PTBP3: variants seen among roughly 807,000 people sequenced by gnomAD.
PTBP3 encodes the protein polypyrimidine tract binding protein 3, also known as polypyrimidine tract-binding protein 3.
PTBP3 carries 20 observed loss-of-function variants against 58.7 expected under a neutral mutation model. That is an observed-to-expected ratio of 0.34 (90% CI 0.24 to 0.50). PTBP3 has a LOEUF of 0.50. PTBP3 is among the 20% of genes least tolerant of loss of function. The pLI is 0.98. For missense variants in PTBP3, 509 were observed against 637.2 expected, an observed-to-expected ratio of 0.80 and a Z score of 2.17; for synonymous variants, 185 against 219.8, an observed-to-expected ratio of 0.84 and a Z score of 1.40.
At chr9:112,355,365 T>G in the PTBP3 span, among the ~76,000 whole-genome samples, 1 of 152,202 alleles carries the variant, frequency 6.6e-6, no homozygotes, top group East Asian at 1.9e-4. Context: ...ATGGTTTATA[T>G]TCTTGTGATA....
chr9:112,286,506 TCA>T (rs1236322558), intron 2 of PTBP3, among the ~76,000 whole-genome samples: 4 of 152,204 alleles, frequency 2.6e-5, no homozygotes, highest in South Asian at 2.1e-4. Flanking sequence ...CTTTAATTTA[TCA>T]CAGAGTACCT....
chr9:112,270,440 G>T (rs1827326648), intron 3 of PTBP3, among the ~76,000 whole-genome samples: 1 of 152,150 alleles, frequency 6.6e-6, no homozygotes, highest in Non-Finnish European at 1.5e-5. Context: ...GGCCAGAAAA[G>T]AGTGCTATTT....
chr9:112,348,320 A>C, the PTBP3 span, among the ~76,000 whole-genome samples: 1 of 152,274 alleles, frequency 6.6e-6, no homozygotes, highest in Non-Finnish European at 1.5e-5. Flanking sequence ...AAAAGACAGA[A>C]AACACCTAAA....
chr9:112,234,332 C>T (rs997103123), intron 8 of PTBP3, among the ~76,000 whole-genome samples: 1 of 152,124 alleles, frequency 6.6e-6, no homozygotes, highest in African/African-American at 2.4e-5. Flanking sequence ...ACCCCTCTAT[C>T]GTAATCTTCA....
At chr9:112,265,366 G>T (rs1589840334) in intron 4 of PTBP3, among the ~76,000 whole-genome samples, 2 of 148,520 alleles carry the variant, frequency 1.3e-5, no homozygotes, top group Non-Finnish European at 3.0e-5. Context: ...AGCTGGGCGT[G>T]GTGGCTAGCA....
At chr9:112,359,128 C>T in the PTBP3 span, among the ~76,000 whole-genome samples, 1 of 152,152 alleles carries the variant, frequency 6.6e-6, no homozygotes, top group African/African-American at 2.4e-5. Flanking sequence ...CGCCACTGCA[C>T]CTGACCGCAT....
chr9:112,237,675 T>C (rs1482683954), intron 7 of PTBP3, among the ~76,000 whole-genome samples: 1 of 152,190 alleles, frequency 6.6e-6, no homozygotes, highest in Admixed American at 6.5e-5. Context: ...GAGCTTTGGT[T>C]TGATCAGCTC....
intron 3 of PTBP3, among the ~76,000 whole-genome samples, chr9:112,271,170 C>T (rs1827370035): frequency 6.6e-6 from 1 of 152,170 alleles, no homozygotes; most frequent in South Asian, 2.1e-4. Context: ...AAAACATAGA[C>T]ATGCACATAT....
intron 5 of PTBP3, among the ~76,000 whole-genome samples, chr9:112,253,622 T>C (rs996712356): frequency 6.6e-6 from 1 of 152,178 alleles, no homozygotes; most frequent in East Asian, 1.9e-4. Flanking sequence ...TCATCTCAAA[T>C]TGTGATTCCC....
intron 5 of PTBP3, among the ~76,000 whole-genome samples, chr9:112,257,282 C>T (rs575193883): frequency 6.6e-6 from 1 of 152,302 alleles, no homozygotes; most frequent in Non-Finnish European, 1.5e-5. Flanking sequence ...TGGGCACCAA[C>T]ATCAGGGAAT....
chr9:112,246,187 T>A (rs578102735), intron 7 of PTBP3, among the ~76,000 whole-genome samples: 114 of 151,920 alleles, frequency 7.5e-4, no homozygotes, highest in African/African-American at 2.6e-3. Flanking sequence ...TTCACCATGT[T>A]GGCCAGGATG....
At chr9:112,235,495 C>G (rs564965970) in intron 7 of PTBP3, among the ~76,000 whole-genome samples, 1 of 152,278 alleles carries the variant, frequency 6.6e-6, no homozygotes, top group South Asian at 2.1e-4. Context: ...CTGGTCTTCT[C>G]TTTCCTTTAA....
intron 1 of PTBP3, among the ~76,000 whole-genome samples, chr9:112,313,848 A>T (rs1457618191): frequency 6.6e-6 from 1 of 152,242 alleles, no homozygotes; most frequent in East Asian, 1.9e-4. Context: ...AGAAAAGGAA[A>T]AGGAATAGGA....
At chr9:112,356,032 CTTCTTCCT>C in the PTBP3 span, among the ~76,000 whole-genome samples, 1 of 142,094 alleles carries the variant, frequency 7.0e-6, no homozygotes, top group South Asian at 2.2e-4. Flanking sequence ...TCTTCTTTTC[CTTCTTCCT>C]TTCTTCCTCC....
intron 4 of PTBP3, among the ~76,000 whole-genome samples, chr9:112,266,904 T>C (rs1456662526): frequency 6.6e-6 from 1 of 152,212 alleles, no homozygotes; most frequent in Non-Finnish European, 1.5e-5. Flanking sequence ...TTTTTCATTT[T>C]AAAAAGTCTA....
the PTBP3 span, among the ~76,000 whole-genome samples, chr9:112,354,247 C>T: frequency 6.6e-6 from 1 of 152,152 alleles, no homozygotes; most frequent in African/African-American, 2.4e-5. Context: ...AACCACAGCC[C>T]ACAAGGTCAG....
At chr9:112,355,621 CTTTTTTTT>C in the PTBP3 span, among the ~76,000 whole-genome samples, 2 of 127,816 alleles carry the variant, frequency 1.6e-5, no homozygotes, top group East Asian at 2.2e-4. Context: ...AACTCTTTTT[CTTTTTTTT>C]TTTTTTTTTT....
chr9:112,311,305 A>T (rs1313874472), intron 1 of PTBP3, among the ~76,000 whole-genome samples: 1 of 152,220 alleles, frequency 6.6e-6, no homozygotes, highest in Non-Finnish European at 1.5e-5. Context: ...CATCTGTATA[A>T]ACATGTACAG....
chr9:112,250,755 A>G (rs1429332861), intron 7 of PTBP3, among the ~76,000 whole-genome samples, 174 bp downstream of exon 7: 1 of 152,206 alleles, frequency 6.6e-6, no homozygotes, highest in African/African-American at 2.4e-5. Context: ...AACTAACAGA[A>G]CCTCCTAATA....
Sources: allele counts gnomAD v4.1 joint callset (sites outside exome capture counted in the v4.1 genomes callset), GRCh38; gene constraint gnomAD v4.1.1; transcripts MANE v1.5; gene names NCBI Gene and HGNC (gene_info 2026-07-23, HGNC 2026-07-21).